FRMD4A: variants seen among roughly 807,000 people sequenced by gnomAD.
FRMD4A encodes the protein FERM domain-containing protein 4A.
FRMD4A carries 29 observed loss-of-function variants against 129.1 expected under a neutral mutation model. The observed-to-expected ratio is 0.22, with a 90% CI of 0.17 to 0.31. The LOEUF (loss-of-function observed/expected upper bound fraction) is 0.31. Ranked by LOEUF, FRMD4A falls within the 10% of genes least tolerant of loss-of-function variation. FRMD4A has a pLI of 1.00. For synonymous variants in FRMD4A, 634 were observed against 571.6 expected, an observed-to-expected ratio of 1.11 and a Z score of -1.56; for missense variants, 1,272 against 1,375.8, an observed-to-expected ratio of 0.92 and a Z score of 1.19.
chr10:14,258,419 A>G (rs763269009), intron 2 of FRMD4A, among the ~76,000 whole-genome samples: 20 of 152,144 alleles, frequency 1.3e-4, no homozygotes, highest in African/African-American at 2.4e-5. Context: ...CAAAGCAGAT[A>G]CAAGGATGGC....
At chr10:13,762,543 A>C (rs781739130) in intron 7 of FRMD4A, 81 bp downstream of exon 7, 15 of 799,968 alleles carry the variant, frequency 1.9e-5, no homozygotes, top group Non-Finnish European at 3.3e-5. Context: ...AGATACAGCT[A>C]CTGGCTATGC....
chr10:13,820,250 C>T (rs569266166), intron 3 of FRMD4A, among the ~76,000 whole-genome samples: 3 of 152,266 alleles, frequency 2.0e-5, no homozygotes, highest in Admixed American at 2.0e-4. Flanking sequence ...AACTCATACA[C>T]CCTCAGATGG....
intron 2 of FRMD4A, among the ~76,000 whole-genome samples, chr10:13,947,265 A>G (rs2095338798): frequency 6.6e-6 from 1 of 152,200 alleles, no homozygotes; most frequent in African/African-American, 2.4e-5. Flanking sequence ...TGGAGATATT[A>G]GCACTCTCTA....
At chr10:13,925,295 T>C (rs529679424) in intron 2 of FRMD4A, among the ~76,000 whole-genome samples, 20 of 152,178 alleles carry the variant, frequency 1.3e-4, no homozygotes, top group Middle Eastern at 3.4e-3. Context: ...CAGATGGAGA[T>C]ATACATTAAA....
intron 2 of FRMD4A, chr10:14,074,692 A>G (rs1427323036): frequency 1.3e-5 from 2 of 152,186 alleles, no homozygotes. Context: ...GCCGGACTCA[A>G]ATTCCACAGA....
chr10:13,930,083 AGACAG>A (rs1000126092), intron 2 of FRMD4A, among the ~76,000 whole-genome samples: 1 of 152,244 alleles, frequency 6.6e-6, no homozygotes, highest in African/African-American at 2.4e-5. Flanking sequence ...TTTAATTTCC[AGACAG>A]GAGGGATATG....
At position 13,740,208 on chromosome 10, in the gene FRMD4A, A is replaced by G; in HGVS notation, c.658T>C (p.Tyr220His). 6.2e-7 allele frequency: 1 copy of G among 1,605,964 alleles called. No individual in the cohort carries two copies. Among genetic ancestry groups the G allele is most frequent in the Non-Finnish European group, 8.5e-7 (1 of 1,172,544 alleles). ...VESLPTYGVH[Y>H]YAVKDKQGIP... is the part of the protein sequence containing the mutation. ...AGTCTACTCACCTTCACTGCATAATAGTGAACCCCGTAGGTTGGGAGAGAC... is the reference window on the plus strand; with the variant it reads ...AGTCTACTCACCTTCACTGCATAATGGTGAACCCCGTAGGTTGGGAGAGAC... The change falls in exon 11 of 25, where the codon TAT (tyrosine) becomes CAT (histidine). Residue 220 changes from tyrosine to histidine, a missense_variant. Coordinates refer to ENST00000357447, the MANE Select transcript of FRMD4A (RefSeq NM_018027.5).
chr10:14,106,582 C>T (rs1390253526), intron 2 of FRMD4A, among the ~76,000 whole-genome samples: 3 of 152,146 alleles, frequency 2.0e-5, no homozygotes, highest in African/African-American at 4.8e-5. Flanking sequence ...CATCAATTTC[C>T]TTTTTCTCAC....
In FRMD4A at chr10:13,730,108, C is replaced by T. The variant is rs117176083; in HGVS notation, c.759+7736G>A. Among the ~76,000 whole-genome samples the T allele has an allele frequency of 1.1e-3, 161 of 152,218 alleles. 2 individuals carry two copies. The highest frequency in any genetic ancestry group is 1.7e-3 in the Admixed American group (26 of 15,292). On this transcript the variant is annotated intron_variant, in intron 12 of 24. Transcript: ENST00000357447. ...TGCAGGTCTGGGGACTGTGCAACCC[C>T]CTGGTCTCCCAATGCCTCAGTTACT...
chr10:13,850,212 A>T (rs1049079283), intron 3 of FRMD4A, among the ~76,000 whole-genome samples: 1 of 152,198 alleles, frequency 6.6e-6, no homozygotes, highest in African/African-American at 2.4e-5. Flanking sequence ...CCATCTCAAA[A>T]AAAAAGAGAA....
intron 3 of FRMD4A, among the ~76,000 whole-genome samples, chr10:13,837,047 G>A (rs942511667): frequency 1.1e-4 from 16 of 151,870 alleles, no homozygotes; most frequent in African/African-American, 2.9e-4. Context: ...ATGAGCCACC[G>A]CACCCGGCCG....
intron 2 of FRMD4A, among the ~76,000 whole-genome samples, chr10:14,314,278 TCTCAC>T (rs1564458688): frequency 1.3e-5 from 2 of 151,914 alleles, no homozygotes; most frequent in Non-Finnish European, 2.9e-5. Flanking sequence ...AGCTACTCAC[TCTCAC>T]CTCACCTCTC....
intron 15 of FRMD4A, among the ~76,000 whole-genome samples, chr10:13,688,041 C>A (rs565762694): frequency 2.6e-5 from 4 of 152,290 alleles, no homozygotes; most frequent in Non-Finnish European, 5.9e-5. Context: ...CTTAACCAAT[C>A]ACTTTAACTA....
chr10:13,982,578 A>T (rs1426733085), intron 2 of FRMD4A, among the ~76,000 whole-genome samples: 4 of 151,960 alleles, frequency 2.6e-5, no homozygotes, highest in Middle Eastern at 3.2e-3. Flanking sequence ...CCTGCCCTAT[A>T]CCCAGAAGGA....
chr10:13,806,968 C>T (rs374320069), intron 4 of FRMD4A, among the ~76,000 whole-genome samples: 1 of 152,232 alleles, frequency 6.6e-6, no homozygotes, highest in Non-Finnish European at 1.5e-5. Flanking sequence ...ACACCATACC[C>T]GGATGATTTT....
intron 2 of FRMD4A, among the ~76,000 whole-genome samples, chr10:14,231,444 A>G: frequency 6.6e-6 from 1 of 150,610 alleles, no homozygotes; most frequent in East Asian, 2.0e-4. Flanking sequence ...CCGGGTTCAC[A>G]CCCTTCTCCT....
chr10:13,897,914 G>A (rs2094776127), intron 2 of FRMD4A, among the ~76,000 whole-genome samples: 1 of 147,692 alleles, frequency 6.8e-6, no homozygotes, highest in Non-Finnish European at 1.5e-5. Flanking sequence ...TCCAGCCTGG[G>A]TGACAGACAG....
chr10:13,684,683 T>C, intron 15 of FRMD4A: 1 of 985,324 alleles, frequency 1.0e-6, no homozygotes, highest in Non-Finnish European at 1.2e-6. Context: ...GAGCCACGCG[T>C]GGCTCATCTG....
At chr10:13,688,938 G>A (rs963607931) in intron 15 of FRMD4A, among the ~76,000 whole-genome samples, 2 of 152,000 alleles carry the variant, frequency 1.3e-5, no homozygotes, top group Admixed American at 6.6e-5. Flanking sequence ...GGCTAGTCTC[G>A]AACTCCTGCC....
Sources: gnomAD v4.1 joint callset for allele counts (sites outside exome capture counted in the v4.1 genomes callset) on GRCh38, gnomAD v4.1.1 for gene constraint, MANE v1.5 for transcripts, NCBI Gene and HGNC (gene_info 2026-07-23, HGNC 2026-07-21) for gene names.